The following BRMS1L variants were observed in gnomAD, a reference collection of about 807,000 sequenced individuals.
The protein encoded by BRMS1L is breast cancer metastasis-suppressor 1-like protein.
BRMS1L carries 23 observed loss-of-function variants against 50.3 expected under a neutral mutation model. That is an observed-to-expected ratio of 0.46 (90% CI 0.33 to 0.65). The LOEUF (loss-of-function observed/expected upper bound fraction) is 0.65, where lower values mean the gene tolerates loss of function less well. BRMS1L is among the 30% of genes least tolerant of loss of function. The pLI is 0.02. For missense variants in BRMS1L, 286 were observed against 386.1 expected, an observed-to-expected ratio of 0.74 and a Z score of 2.17; for synonymous variants, 114 against 126.9, an observed-to-expected ratio of 0.90 and a Z score of 0.69.
intron 6 of BRMS1L, among the ~76,000 whole-genome samples, chr14:35,864,478 C>G (rs941965491): frequency 1.3e-5 from 2 of 152,146 alleles, no homozygotes; most frequent in African/African-American, 4.8e-5. Context: ...CCAGGCTGGT[C>G]TTGAACTCCT....
At chr14:35,841,998 C>CT (rs574267347) in intron 4 of BRMS1L, among the ~76,000 whole-genome samples, 1,327 of 112,128 alleles carry the variant, frequency 0.012, 14 homozygotes, top group Admixed American at 0.032. Flanking sequence ...GCAATCTCTG[C>CT]TTTTTTTTTT....
intron 4 of BRMS1L, among the ~76,000 whole-genome samples, chr14:35,855,040 T>C (rs1300178695): frequency 6.6e-6 from 1 of 152,274 alleles, no homozygotes; most frequent in African/African-American, 2.4e-5. Flanking sequence ...GGTTTACTTT[T>C]ACATTGTAGT....
intron 3 of BRMS1L, among the ~76,000 whole-genome samples, chr14:35,834,107 C>T (rs996844954): frequency 3.9e-5 from 6 of 152,014 alleles, no homozygotes; most frequent in African/African-American, 1.2e-4. Flanking sequence ...TTGCTGATGA[C>T]GTAGTTCCAG....
chr14:35,869,104 C>G (rs2078456617), intron 9 of BRMS1L, among the ~76,000 whole-genome samples: 1 of 152,080 alleles, frequency 6.6e-6, no homozygotes, highest in South Asian at 2.1e-4. Context: ...ATAATTTTGT[C>G]TTTAAATTTT....
Position 35,868,022 on chromosome 14 carries a change from T to C in BRMS1L, c.844T>C (p.Cys282Arg). The C allele has an allele frequency of 6.3e-7, 1 of 1,595,826 alleles. No homozygotes were observed. Among genetic ancestry groups the C allele is most frequent in the Non-Finnish European group, 8.5e-7 (1 of 1,174,812 alleles). ...AATATGTATTGATAAAAAAGATGAA[T>C]GTCCTACAAGGTAAAAAAGCCTTTG... is the stretch of plus-strand genomic sequence containing the variant. ...QTICIDKKDECPTSAVITTIN... is the reference protein window; with the variant it reads ...QTICIDKKDERPTSAVITTIN... Residue 282 changes from cysteine (C) to arginine (R), a missense_variant, in exon 9 of 10, where the codon TGT becomes CGT. Cys to Arg is a radical substitution (Grantham distance 180, BLOSUM62 -3). This residue lies in a region of BRMS1L where 49 missense variants were observed against 39.1 expected (regional missense o/e 1.25). Transcript: ENST00000216807.
intron 4 of BRMS1L, among the ~76,000 whole-genome samples, chr14:35,841,600 GTGGTCAATT>G (rs1320226479): frequency 6.6e-6 from 1 of 152,190 alleles, no homozygotes; most frequent in Non-Finnish European, 1.5e-5. Context: ...CCTGGGCTAT[GTGGTCAATT>G]TTATAATAAG....
chr14:35,835,578 C>G (rs1191470880), intron 4 of BRMS1L, among the ~76,000 whole-genome samples: 1 of 152,108 alleles, frequency 6.6e-6, no homozygotes, highest in African/African-American at 2.4e-5. Context: ...CATGGTGGCT[C>G]ACACCTGTAA....
chr14:35,862,889 T>G (rs535571078), intron 5 of BRMS1L, among the ~76,000 whole-genome samples: 2 of 152,292 alleles, frequency 1.3e-5, no homozygotes, highest in South Asian at 4.2e-4. Flanking sequence ...ATGTAAAAAA[T>G]GGAGCACACG....
intron 4 of BRMS1L, among the ~76,000 whole-genome samples, chr14:35,838,626 G>T (rs1232760443): frequency 6.6e-6 from 1 of 152,202 alleles, no homozygotes; most frequent in East Asian, 1.9e-4. Context: ...AATGACCAGT[G>T]ATGATGAGCT....
intron 5 of BRMS1L, 93 bp from the exon 6 acceptor site, chr14:35,863,777 C>A: frequency 8.8e-7 from 1 of 1,139,374 alleles, no homozygotes; most frequent in Non-Finnish European, 1.3e-6. Context: ...TACGTTTTTA[C>A]ATGTAACTAA....
chr14:35,831,536 T>G, intron 2 of BRMS1L, 36 bp downstream of exon 2: 1 of 1,485,440 alleles, frequency 6.7e-7, no homozygotes, highest in Non-Finnish European at 9.4e-7. Context: ...TGTCACTGAA[T>G]CTCAACCTTG....
chr14:35,852,077 C>T lies in BRMS1L; in HGVS notation c.442-10513C>T, dbSNP rs551825127. Among the ~76,000 whole-genome samples the T allele has an allele frequency of 2.0e-5, 3 of 152,294 alleles. No homozygotes were observed. The South Asian group carries it at 6.2e-4, about 32-fold the overall frequency. ...AGTAATGTGATGGTTCCAGCTTTCT[C>T]TTGCTCAACATTATTTTGGCTATAT... On this transcript the variant is annotated intron_variant, in intron 4 of 9. Transcript: ENST00000216807.
At chr14:35,856,613 G>GT (rs1307449476) in intron 4 of BRMS1L, among the ~76,000 whole-genome samples, 1 of 150,646 alleles carries the variant, frequency 6.6e-6, no homozygotes, top group East Asian at 1.9e-4. Flanking sequence ...CATTTTTTTG[G>GT]GGGGGGGTTT....
chr14:35,826,381 G>T lies in BRMS1L; in HGVS notation c.-136G>T. 7.4e-7 allele frequency: 1 copy of T among 1,343,990 alleles called. No individual in the cohort carries two copies. The highest frequency in any genetic ancestry group is 1.0e-6 in the Non-Finnish European group (1 of 983,774). 83.3% of individuals were successfully genotyped at this position (1,343,990 alleles called of 1,614,324 possible). On this transcript the variant is annotated 5_prime_UTR_variant, in exon 1 of 10. Transcript: ENST00000216807. ...CCTGCGGGTTAGGTTGTGAGGCCCG[G>T]GCCGGGGGCGGGGAGGAGCCAAGGG... is the stretch of plus-strand genomic sequence containing the variant.
chr14:35,849,357 A>G (rs1436956996), intron 4 of BRMS1L, among the ~76,000 whole-genome samples: 1 of 152,148 alleles, frequency 6.6e-6, no homozygotes, highest in Admixed American at 6.5e-5. Flanking sequence ...ACACGATCAT[A>G]GCTTACTGCA....
chr14:35,848,097 A>AT (rs2078160645), intron 4 of BRMS1L, among the ~76,000 whole-genome samples: 1 of 152,062 alleles, frequency 6.6e-6, no homozygotes, highest in South Asian at 2.1e-4. Context: ...ATCATATGAT[A>AT]TTTTTTTCAG....
At chr14:35,863,691 C>A (rs1035990497) in intron 5 of BRMS1L, among the ~76,000 whole-genome samples, 179 bp from the exon 6 acceptor site, 1 of 152,142 alleles carries the variant, frequency 6.6e-6, no homozygotes, top group Non-Finnish European at 1.5e-5. Context: ...AAAGGCAGAG[C>A]AAAACTTAAA....
intron 4 of BRMS1L, among the ~76,000 whole-genome samples, chr14:35,846,555 G>A (rs2142048573): frequency 6.6e-6 from 1 of 152,080 alleles, no homozygotes. Context: ...CAGTTATTTT[G>A]TAGAATGTTC....
intron 3 of BRMS1L, 74 bp from the exon 4 acceptor site, chr14:35,834,770 C>A: frequency 9.5e-7 from 1 of 1,057,946 alleles, no homozygotes; most frequent in Non-Finnish European, 1.3e-6. Flanking sequence ...ACAGTGAGGA[C>A]AGAATTCCTG....
Sources: gnomAD v4.1 joint callset for allele counts (sites outside exome capture counted in the v4.1 genomes callset) on GRCh38, gnomAD v4.1.1 for gene constraint, gnomAD v4.1.1 regional missense constraint, MANE v1.5 for transcripts, NCBI Gene and HGNC (gene_info 2026-07-23, HGNC 2026-07-21) for gene names.